RAPGEF1: variants seen among roughly 807,000 people sequenced by gnomAD.
RAPGEF1 encodes Rap guanine nucleotide exchange factor 1.
In RAPGEF1, 33 loss-of-function variants were observed where a neutral mutation model predicts 143.3. The observed-to-expected ratio is 0.23, with a 90% confidence interval of 0.17 to 0.31. The LOEUF (loss-of-function observed/expected upper bound fraction) is 0.31. Ranked by LOEUF, RAPGEF1 falls within the 10% of genes least tolerant of loss-of-function variation. The pLI is 1.00. For missense variants in RAPGEF1, 1,199 were observed against 1,645.4 expected (o/e 0.73, Z 4.69); for synonymous variants, 629 against 676.5 (o/e 0.93, Z 1.09).
chr9:131,626,474 A>C, intron 9 of RAPGEF1, 52 bp from the exon 10 acceptor site: 1 of 1,503,204 alleles, frequency 6.7e-7, no homozygotes, highest in Non-Finnish European at 8.9e-7. Context: ...GCCCTGCAGG[A>C]GCAGCCAGCT....
chr9:131,589,847 C>G (rs1400780262), intron 19 of RAPGEF1, 39 bp downstream of exon 19: 1 of 1,571,920 alleles, frequency 6.4e-7, no homozygotes, highest in East Asian at 2.2e-5. Flanking sequence ...GCCTTTGCCT[C>G]CCCACTGGCC....
rs371547197 is a variant in RAPGEF1, at chr9:131,594,038, C to T, written c.2690-1855G>A. Among the ~76,000 whole-genome samples the T allele has an allele frequency of 1.3e-4, 20 of 152,296 alleles. No individual in the cohort carries two copies. In the East Asian group the frequency reaches 2.5e-3, roughly 19 times the overall value. Reference sequence around the variant, plus strand: ...CAAGGACAGAGTCCTGTTACCCTACCGAGAGAGGAGGAGCCCAGGCACGAG... The same window carrying T: ...CAAGGACAGAGTCCTGTTACCCTACTGAGAGAGGAGGAGCCCAGGCACGAG... On this transcript the variant is annotated intron_variant, in intron 17 of 26. Transcript: ENST00000683357.
chr9:131,695,483 T>C (rs948090188), intron 1 of RAPGEF1, among the ~76,000 whole-genome samples: 1 of 152,164 alleles, frequency 6.6e-6, no homozygotes, highest in Non-Finnish European at 1.5e-5. Context: ...GCAAAAGCTC[T>C]CCCCAGATTG....
intron 1 of RAPGEF1, chr9:131,737,654 G>A (rs1235871801): frequency 2.2e-6 from 3 of 1,341,838 alleles, no homozygotes; most frequent in Non-Finnish European, 2.9e-6. Context: ...TGGGATGACA[G>A]GCAACTTTTT....
chr9:131,589,863 G>A (rs1953896389), intron 19 of RAPGEF1, 23 bp downstream of exon 19: 9 of 1,604,806 alleles, frequency 5.6e-6, no homozygotes, highest in African/African-American at 1.3e-5. Flanking sequence ...TGGCCCCCAG[G>A]ACCCCAAGGG....
chr9:131,676,086 T>G lies in RAPGEF1; in HGVS notation c.62-25137A>C, dbSNP rs539538767. Among the ~76,000 whole-genome samples, 9 of 152,218 alleles carry G rather than the reference T, an allele frequency of 5.9e-5. No individual in the cohort carries two copies. In the Middle Eastern group the frequency reaches 0.014, roughly 230 times the overall value. ...TAATCATGACAATAAAGTGCCTTCC[T>G]TAAGTGGAGCCAGTGGCCATGTCTT... On this transcript the variant is annotated intron_variant, in intron 1 of 26. Transcript: ENST00000683357.
intron 14 of RAPGEF1, among the ~76,000 whole-genome samples, chr9:131,603,282 T>C (rs1325452888): frequency 6.6e-6 from 1 of 152,220 alleles, no homozygotes; most frequent in Non-Finnish European, 1.5e-5. Flanking sequence ...CTGTCCCACC[T>C]GGGCTCATGG....
At chr9:131,654,839 A>G (rs1195940773) in intron 1 of RAPGEF1, among the ~76,000 whole-genome samples, 2 of 152,212 alleles carry the variant, frequency 1.3e-5, no homozygotes, top group Non-Finnish European at 2.9e-5. Context: ...AACAACAAAA[A>G]TATCCCAGGA....
rs750728410 is a variant in RAPGEF1, at chr9:131,621,912, G to C, written c.1789C>G (p.Gln597Glu). ...TCCATGAGGAGCTTGTTCTTCTGCT[G>C]GTAGATGTGCTCGTTCTGTGGCGTC... ...YQTPQNEHIY[Q>E]QKNKLLMEVY... Residue 597 changes from glutamine to glutamate, a missense_variant, in exon 11 of 27, where the codon CAG (glutamine) becomes GAG (glutamate). Transcript: ENST00000683357. The surrounding 1 kb of genome is among the most constrained non-coding windows in gnomAD (Gnocchi z 4.5). 1.2e-5 allele frequency: 19 copies of C among 1,613,654 alleles called. No individual in the cohort carries two copies. The highest frequency in any genetic ancestry group is 6.7e-5 in the Admixed American group (4 of 59,952).
chr9:131,657,010 G>A (rs529037445), intron 1 of RAPGEF1, among the ~76,000 whole-genome samples: 3 of 152,200 alleles, frequency 2.0e-5, no homozygotes, highest in East Asian at 1.9e-4. Context: ...CCTTCTCAAC[G>A]CTGGAAATCG....
intron 3 of RAPGEF1, among the ~76,000 whole-genome samples, chr9:131,648,388 T>A (rs1239149385): frequency 3.3e-5 from 5 of 151,638 alleles, no homozygotes; most frequent in Admixed American, 3.3e-4. Flanking sequence ...GAGACTCTTA[T>A]CTCAAAACAA....
intron 1 of RAPGEF1, among the ~76,000 whole-genome samples, chr9:131,652,305 C>A (rs1971268207): frequency 6.6e-6 from 1 of 152,034 alleles, no homozygotes; most frequent in Non-Finnish European, 1.5e-5. Context: ...GACTAGAGTG[C>A]AGTGGTGTGA....
At chr9:131,586,197 A>AAC (rs1168171289) in intron 22 of RAPGEF1, among the ~76,000 whole-genome samples, 1 of 145,912 alleles carries the variant, frequency 6.9e-6, no homozygotes, top group African/African-American at 2.6e-5. Context: ...CTCCGTCTCA[A>AAC]ACACACACAC....
chr9:131,661,475 T>C (rs772561220), intron 1 of RAPGEF1, among the ~76,000 whole-genome samples: 10 of 152,130 alleles, frequency 6.6e-5, no homozygotes, highest in Non-Finnish European at 1.2e-4. Flanking sequence ...GCTTCTGAGG[T>C]GACGGTTATG....
chr9:131,588,397 C>T (rs77714856), intron 20 of RAPGEF1, among the ~76,000 whole-genome samples: 3 of 152,158 alleles, frequency 2.0e-5, no homozygotes, highest in Non-Finnish European at 4.4e-5. Flanking sequence ...GAAGGCTATG[C>T]GCTCACTGGA....
At chr9:131,671,594 A>G (rs1401450534) in intron 1 of RAPGEF1, among the ~76,000 whole-genome samples, 1 of 152,166 alleles carries the variant, frequency 6.6e-6, no homozygotes, top group East Asian at 1.9e-4. Flanking sequence ...CAAGCCTCCA[A>G]CCCAGGGCTA....
chr9:131,724,324 G>A (rs947823901), intron 1 of RAPGEF1, among the ~76,000 whole-genome samples: 1 of 152,184 alleles, frequency 6.6e-6, no homozygotes, highest in African/African-American at 2.4e-5. Flanking sequence ...GGCCGGGCAC[G>A]GTGGCTCACG....
chr9:131,629,402 G>A (rs1964239478), intron 6 of RAPGEF1, 148 bp from the exon 7 acceptor site: 4 of 829,940 alleles, frequency 4.8e-6, no homozygotes, highest in African/African-American at 3.4e-5. Flanking sequence ...AGAACCCTGG[G>A]GTTCTGGTTT....
chr9:131,601,410 G>C (rs757285949), intron 15 of RAPGEF1, among the ~76,000 whole-genome samples: 4 of 152,120 alleles, frequency 2.6e-5, no homozygotes, highest in East Asian at 1.9e-4. Context: ...AGGTTGGCCT[G>C]GGATTTGAAA....
Sources: allele counts gnomAD v4.1 joint callset (sites outside exome capture counted in the v4.1 genomes callset), GRCh38; gene constraint gnomAD v4.1.1; non-coding constraint Gnocchi (gnomAD v3.1); transcripts MANE v1.5; gene names NCBI Gene and HGNC (gene_info 2026-07-23, HGNC 2026-07-21).